The following KIAA1755 variants were observed in gnomAD, a reference collection of about 807,000 sequenced individuals.
KIAA1755 encodes the protein uncharacterized protein KIAA1755.
In KIAA1755, 68 loss-of-function variants were observed where a neutral mutation model predicts 91.7. The observed-to-expected ratio is 0.74, with a 90% CI of 0.61 to 0.91. The LOEUF is 0.91. Among genes scored for constraint, KIAA1755 ranks in the 40% least tolerant of loss-of-function variants. KIAA1755 has a pLI of 0.00. For missense variants in KIAA1755, 1,535 were observed against 1,494.4 expected (o/e 1.03, Z -0.45); for synonymous variants, 610 against 604.6 (o/e 1.01, Z -0.13).
In KIAA1755 at chr20:38,222,614, G is replaced by T. The variant is rs1476374337; in HGVS notation, c.2269-17C>A. 14 of 1,609,490 alleles carry T rather than the reference G, an allele frequency of 8.7e-6. No homozygotes were observed. The highest frequency in any genetic ancestry group is 1.2e-5 in the Non-Finnish European group (14 of 1,179,796). ...GGTAGCCTCCTGCCAGCGTAGGGAG[G>T]TGCCCTGAGGCCCCATCCCCACTCT... On this transcript the variant is annotated splice_polypyrimidine_tract_variant and intron_variant, in intron 9 of 13. Transcript: ENST00000279024.
Position 38,217,391 on chromosome 20 carries a change from A to G in KIAA1755, c.2763T>C (p.Arg921=). The stretch of plus-strand genomic sequence containing the variant: ...AGGCTGCCAGCTCTGGGAACTCTGC[A>G]CGTTCTGCCTCCCCAGCCCCTCTGG... ...ATARGAGEAE[R]AEFPELAAFA... Residue 921 remains arginine, a synonymous_variant, in exon 13 of 14, where the codon CGT becomes CGC. Transcript: ENST00000279024. 1 of 1,613,454 alleles carries G rather than the reference A, an allele frequency of 6.2e-7. No homozygotes were observed. The highest frequency in any genetic ancestry group is 8.5e-7 in the Non-Finnish European group (1 of 1,179,788).
intron 9 of KIAA1755, 26 bp from the exon 10 acceptor site, chr20:38,222,623 G>C (rs750756131): frequency 1.6e-5 from 26 of 1,608,214 alleles, no homozygotes; most frequent in Non-Finnish European, 2.1e-5. Flanking sequence ...GGTGCCCTGA[G>C]GCCCCATCCC....
chr20:38,213,656 G>A lies in KIAA1755; in HGVS notation c.2989C>T (p.Arg997Cys), dbSNP rs375342134. 1.1e-4 allele frequency: 170 copies of A among 1,606,758 alleles called. No individual in the cohort carries two copies. Among genetic ancestry groups the A allele is most frequent in the South Asian group, 9.9e-4 (89 of 89,984 alleles). ...TSRVSPGDQR[R>C]LHRYLQRLAS... ...AGTCGCTGCAGGTAGCGGTGGAGGC[G>A]GCGCTGGTCCCCAGGACTGACCCTT... is the stretch of plus-strand genomic sequence containing the variant. Residue 997 changes from arginine (R) to cysteine (C), a missense_variant, in exon 14 of 14, where the codon CGC (arginine) becomes TGC (cysteine). Arg to Cys is a radical substitution (Grantham distance 180). Coordinates refer to ENST00000279024, the MANE Select transcript of KIAA1755 (RefSeq NM_001029864.2).
Position 38,241,900 on chromosome 20 carries a change from G to A in KIAA1755, c.231C>T (p.His77=), listed in dbSNP as rs150134184. The A allele has an allele frequency of 5.3e-5, 86 of 1,613,396 alleles. 1 individual carries two copies. In the East Asian group the frequency reaches 7.1e-4, roughly 13 times the overall value. The change falls in exon 3 of 14, where the codon CAC becomes CAT. Residue 77 remains histidine, a synonymous_variant. Coordinates refer to ENST00000279024, the MANE Select transcript of KIAA1755 (RefSeq NM_001029864.2). ...CAPYSHCLFL[H]EGWPLCLRDE... ...CCCTCAGACAGAGTGGCCAGCCCTC[G>A]TGTAAGAAGAGGCAGTGTGAGTAGG...
chr20:38,227,361 G>A (rs2075778058), intron 6 of KIAA1755, 121 bp from the exon 7 acceptor site: 4 of 632,630 alleles, frequency 6.3e-6, no homozygotes, highest in Non-Finnish European at 1.1e-5. Flanking sequence ...ACAGAGTGGG[G>A]TCCCTCCATG....
chr20:38,216,038 C>G (rs1476445132), intron 13 of KIAA1755, among the ~76,000 whole-genome samples: 4 of 152,136 alleles, frequency 2.6e-5, no homozygotes, highest in Admixed American at 2.0e-4. Context: ...ATAGTAGTAC[C>G]TGTCTCATAG....
Position 38,217,491 on chromosome 20 carries a change from G to C in KIAA1755, c.2680-17C>G. The C allele has an allele frequency of 1.9e-6, 3 of 1,571,860 alleles. No homozygotes were observed. Among genetic ancestry groups the C allele is most frequent in the Non-Finnish European group, 2.6e-6 (3 of 1,155,628 alleles). ...GTACTGGGCCTGAGAGGGGAGAGGA[G>C]GGGGCGCCCACTCAGCACCCACCTT... On this transcript the variant is annotated splice_polypyrimidine_tract_variant and intron_variant, in intron 12 of 13. Coordinates refer to ENST00000279024, the MANE Select transcript of KIAA1755 (RefSeq NM_001029864.2).
At chr20:38,226,322 C>T (rs1568742633) in intron 7 of KIAA1755, among the ~76,000 whole-genome samples, 1 of 152,164 alleles carries the variant, frequency 6.6e-6, no homozygotes, top group Non-Finnish European at 1.5e-5. Context: ...GATACCTAGG[C>T]TTGGGATTTG....
In KIAA1755 at chr20:38,227,346, C is replaced by T. The variant is rs543096199; in HGVS notation, c.1966-106G>A. The T allele has an allele frequency of 5.4e-5, 41 of 755,384 alleles. No individual in the cohort carries two copies. The South Asian group carries it at 6.7e-4, about 12-fold the overall frequency. The allele number at this position is 755,384 out of a possible 1,614,324, so 46.8% of individuals were successfully genotyped here. A position where few individuals can be genotyped will look rare whatever the true frequency, so the allele number is the denominator to read the frequency against. On this transcript the variant is annotated intron_variant, in intron 6 of 13. Transcript: ENST00000279024. ...CTGTAAGATGCAGGCAAATGGGTCA[C>T]AAGGACAGAGTGGGGTCCCTCCATG...
At chr20:38,218,547 G>T (rs1386462319) in intron 11 of KIAA1755, among the ~76,000 whole-genome samples, 181 bp from the exon 12 acceptor site, 1 of 152,234 alleles carries the variant, frequency 6.6e-6, no homozygotes, top group African/African-American at 2.4e-5. Context: ...GACTTGGGGA[G>T]GGGGAGTGTG....
At chr20:38,249,709 AG>A (rs1290202476) in intron 1 of KIAA1755, among the ~76,000 whole-genome samples, 2 of 141,610 alleles carry the variant, frequency 1.4e-5, no homozygotes, top group Non-Finnish European at 3.1e-5. Context: ...ACATGTACCC[AG>A]GAGGTTTTAC....
chr20:38,214,631 G>GGAGAAACCGGCCAGGCAGGGGT (rs1461972273), intron 13 of KIAA1755, among the ~76,000 whole-genome samples: 1 of 152,192 alleles, frequency 6.6e-6, no homozygotes, highest in African/African-American at 2.4e-5. Context: ...ATGGGCAGAA[G>GGAGAAACCGGCCAGGCAGGGGT]GAGAAACCGG....
At chr20:38,217,732 G>A (rs1361627645) in intron 12 of KIAA1755, 17 of 567,092 alleles carry the variant, frequency 3.0e-5, no homozygotes, top group African/African-American at 7.5e-5. Flanking sequence ...TTGCCTAGCC[G>A]GGCTCTGCTT....
At chr20:38,233,790 T>A (rs752875138) in intron 4 of KIAA1755, 7 of 152,200 alleles carry the variant, frequency 4.6e-5, no homozygotes, top group African/African-American at 1.7e-4. Flanking sequence ...CACTCTTCCA[T>A]CCTCATTTCA....
chr20:38,257,949 G>A (rs1347445478), intron 1 of KIAA1755, among the ~76,000 whole-genome samples: 1 of 151,424 alleles, frequency 6.6e-6, no homozygotes, highest in African/African-American at 2.4e-5. Flanking sequence ...CTCCAGGCTG[G>A]AGTGCAATGG....
Position 38,239,540 on chromosome 20 carries a change from C to A in KIAA1755, c.1735G>T (p.Ala579Ser), listed in dbSNP as rs759913073. Residue 579 changes from alanine (A) to serine (S), a missense_variant, in exon 4 of 14, where the codon GCA (alanine) becomes TCA (serine). Coordinates refer to ENST00000279024, the MANE Select transcript of KIAA1755 (RefSeq NM_001029864.2). ...AATCCCCTGGAACCTGGCAGGCATGCTATCCTGGAGCGGAAAACCTTGACA... is the reference window on the plus strand; with the variant it reads ...AATCCCCTGGAACCTGGCAGGCATGATATCCTGGAGCGGAAAACCTTGACA... ...LGVKVFRSRI[A>S]CLPGGRDRAG... The A allele has an allele frequency of 2.5e-6, 4 of 1,613,854 alleles. No individual in the cohort carries two copies. Among genetic ancestry groups the A allele is most frequent in the Non-Finnish European group, 2.5e-6 (3 of 1,179,910 alleles).
intron 6 of KIAA1755, 70 bp from the exon 7 acceptor site, chr20:38,227,310 T>G: frequency 8.3e-7 from 1 of 1,202,602 alleles, no homozygotes; most frequent in East Asian, 2.4e-5. Flanking sequence ...TTTGATTTCC[T>G]CCTTCATCCC....
At chr20:38,256,606 C>T (rs888969538) in intron 1 of KIAA1755, among the ~76,000 whole-genome samples, 2 of 152,096 alleles carry the variant, frequency 1.3e-5, no homozygotes, top group African/African-American at 4.8e-5. Flanking sequence ...GAGTTCAAGA[C>T]CAGCCTAGGC....
Position 38,239,694 on chromosome 20 carries a change from T to A in KIAA1755, c.1581A>T (p.Pro527=). Residue 527 remains proline, a synonymous_variant, in exon 4 of 14, where the codon CCA becomes CCT. Coordinates refer to ENST00000279024, the MANE Select transcript of KIAA1755 (RefSeq NM_001029864.2). ...CAGTCAGTGGGCTGGGGGCAGTGGC[T>A]GGGCCAGATGTTTTGGTCTGAGTTG... ...AGTTQTKTSG[P]ATAPSPLTEE... is the part of the protein sequence containing the mutation. 6.2e-7 allele frequency: 1 copy of A among 1,612,616 alleles called. No individual in the cohort carries two copies. The highest frequency in any genetic ancestry group is 1.7e-4 in the Middle Eastern group (1 of 6,058).
Sources: allele counts gnomAD v4.1 joint callset (sites outside exome capture counted in the v4.1 genomes callset), GRCh38; gene constraint gnomAD v4.1.1; transcripts MANE v1.5; gene names NCBI Gene and HGNC (gene_info 2026-07-23, HGNC 2026-07-21).